ST8SIA5: variants seen among roughly 807,000 people sequenced by gnomAD.
ST8SIA5 encodes ST8 alpha-N-acetyl-neuraminide alpha-2,8-sialyltransferase 5.
A neutral mutation model predicts 40.2 loss-of-function variants in ST8SIA5; 24 were observed. The ratio of observed to expected loss-of-function variants is 0.60; its 90% CI spans 0.43 to 0.84. ST8SIA5 has a LOEUF of 0.84. Among genes scored for constraint, ST8SIA5 ranks in the 40% least tolerant of loss-of-function variants. The probability of loss-of-function intolerance (pLI) is 0.00; values close to 1 mark genes in which losing one functional copy is unlikely to be tolerated. For missense variants in ST8SIA5, 465 were observed against 498.5 expected (o/e 0.93, Z 0.64); for synonymous variants, 198 against 201.8 (o/e 0.98, Z 0.16).
chr18:46,733,257 A>G (rs2040001933), intron 1 of ST8SIA5, among the ~76,000 whole-genome samples: 1 of 152,212 alleles, frequency 6.6e-6, no homozygotes, highest in Non-Finnish European at 1.5e-5. Flanking sequence ...CATTTCTTTC[A>G]CACCAAGCCA....
intron 2 of ST8SIA5, among the ~76,000 whole-genome samples, chr18:46,700,340 G>A (rs2039599741): frequency 6.6e-6 from 1 of 152,184 alleles, no homozygotes; most frequent in Non-Finnish European, 1.5e-5. Flanking sequence ...CAGGCCCGAA[G>A]GGGCAAAGCA....
chr18:46,741,097 A>G (rs1006222134), intron 1 of ST8SIA5, among the ~76,000 whole-genome samples: 1 of 152,202 alleles, frequency 6.6e-6, no homozygotes, highest in African/African-American at 2.4e-5. Flanking sequence ...AATATCCAAG[A>G]GAAAATCAAC....
chr18:46,702,602 C>T (rs1019771503), intron 2 of ST8SIA5, among the ~76,000 whole-genome samples: 15 of 152,226 alleles, frequency 9.9e-5, no homozygotes, highest in African/African-American at 3.6e-4. Context: ...ACAGACTGTT[C>T]CCTCCACCTG....
intron 5 of ST8SIA5, among the ~76,000 whole-genome samples, chr18:46,682,635 T>C (rs1339326662): frequency 6.6e-6 from 1 of 152,240 alleles, no homozygotes; most frequent in East Asian, 1.9e-4. Flanking sequence ...CTGGAACCTG[T>C]GACTATGCAG....
chr18:46,748,999 C>G (rs1045368813), intron 1 of ST8SIA5, among the ~76,000 whole-genome samples: 1 of 152,120 alleles, frequency 6.6e-6, no homozygotes, highest in Non-Finnish European at 1.5e-5. Context: ...TGCAGTCTAT[C>G]CATACAATGA....
chr18:46,721,446 C>T (rs1354497251), intron 1 of ST8SIA5: 19 of 1,536,154 alleles, frequency 1.2e-5, no homozygotes, highest in Admixed American at 3.9e-5. Context: ...CTGGTCACCA[C>T]TCTGCCAACC....
At chr18:46,735,604 T>C (rs1365802111) in intron 1 of ST8SIA5, among the ~76,000 whole-genome samples, 1 of 152,172 alleles carries the variant, frequency 6.6e-6, no homozygotes, top group African/African-American at 2.4e-5. Context: ...GATATTGTAC[T>C]ATATTGTTTG....
intron 1 of ST8SIA5, among the ~76,000 whole-genome samples, chr18:46,727,130 T>C (rs1303945265): frequency 6.6e-6 from 1 of 152,246 alleles, no homozygotes; most frequent in East Asian, 1.9e-4. Flanking sequence ...TATTCAAGAC[T>C]GGATTCAGAT....
intron 1 of ST8SIA5, among the ~76,000 whole-genome samples, chr18:46,755,906 G>A (rs973663211): frequency 3.3e-5 from 5 of 152,128 alleles, no homozygotes; most frequent in Non-Finnish European, 7.3e-5. Context: ...GAAGCTCCTG[G>A]AGGGGAAAAT....
intron 1 of ST8SIA5, among the ~76,000 whole-genome samples, chr18:46,754,836 C>T (rs2040226564): frequency 6.6e-6 from 1 of 152,220 alleles, no homozygotes; most frequent in Admixed American, 6.5e-5. Context: ...GGGCAGGAAC[C>T]CAGAGCTGCC....
At chr18:46,704,735 T>G in intron 1 of ST8SIA5, 71 bp from the exon 2 acceptor site, 1 of 1,275,548 alleles carries the variant, frequency 7.8e-7, no homozygotes, top group Non-Finnish European at 1.1e-6. Context: ...GGGCTCTTGT[T>G]GCAGGGTGGA....
rs565300075 is a variant in ST8SIA5 at position 46,717,537 on chromosome 18, C to A, written c.132-12873G>T. Among the ~76,000 whole-genome samples, 3 of 152,044 alleles carry A rather than the reference C, an allele frequency of 2.0e-5. No homozygotes were observed. The South Asian group carries it at 6.2e-4, about 32-fold the overall frequency. Reference sequence around the variant, plus strand: ...TTTAGTAGAGACGGGGCTTCTCCACCCTCTCTACTTTTTATACCTCACCCC... The same window carrying A: ...TTTAGTAGAGACGGGGCTTCTCCACACTCTCTACTTTTTATACCTCACCCC... On this transcript the variant is annotated intron_variant, in intron 1 of 6. Coordinates refer to ENST00000315087, the MANE Select transcript of ST8SIA5 (RefSeq NM_013305.6).
intron 5 of ST8SIA5, among the ~76,000 whole-genome samples, chr18:46,683,641 A>G (rs1196862202): frequency 1.3e-5 from 2 of 152,134 alleles, no homozygotes; most frequent in African/African-American, 4.8e-5. Context: ...ACCCTATTCT[A>G]TAACAGGACC....
intron 1 of ST8SIA5, among the ~76,000 whole-genome samples, chr18:46,747,012 G>C (rs1383481842): frequency 2.0e-5 from 3 of 152,192 alleles, no homozygotes; most frequent in Non-Finnish European, 2.9e-5. Flanking sequence ...AAACTGGCTA[G>C]CCATATGTAG....
At chr18:46,717,736 G>A (rs79823708) in intron 1 of ST8SIA5, among the ~76,000 whole-genome samples, 377 of 152,272 alleles carry the variant, frequency 2.5e-3, no homozygotes, top group Non-Finnish European at 3.9e-3. Flanking sequence ...CAGGAGACAA[G>A]GTTGAATCCA....
Position 46,680,192 on chromosome 18 carries a change from G to A in ST8SIA5, c.981C>T (p.Asn327=). 1 of 1,614,234 alleles carries A rather than the reference G, an allele frequency of 6.2e-7. No individual in the cohort carries two copies. ...HLFGFWAFPM[N]PSGLYITHHY... Reference sequence around the variant, plus strand: ...GGTGAGTGATGTAGAGGCCCGAGGGGTTCATGGGGAAGGCCCAGAAGCCAA... The same window carrying A: ...GGTGAGTGATGTAGAGGCCCGAGGGATTCATGGGGAAGGCCCAGAAGCCAA... The change falls in exon 7 of 7, where the codon AAC becomes AAT. Residue 327 remains asparagine (N), a synonymous_variant. Coordinates refer to ENST00000315087, the MANE Select transcript of ST8SIA5 (RefSeq NM_013305.6).
At chr18:46,692,146 G>A (rs2039512185) in intron 3 of ST8SIA5, 23 bp downstream of exon 3, 2 of 1,612,680 alleles carry the variant, frequency 1.2e-6, no homozygotes, top group East Asian at 2.2e-5. Flanking sequence ...AAGGAGAAGG[G>A]AGGACAGACG....
Position 46,679,871 on chromosome 18 carries a change from G to T in ST8SIA5, c.*171C>A, listed in dbSNP as rs1250902363. 28 of 700,614 alleles carry T rather than the reference G, an allele frequency of 4.0e-5. No individual in the cohort carries two copies. In the East Asian group the frequency reaches 6.8e-4, roughly 17 times the overall value. The allele number at this position is 700,614 out of a possible 1,614,324, so 43.4% of individuals were successfully genotyped here. ...CTCAGCACAGAGCTGACTCTGCCCC[G>T]GTTCCTAACCCTGCCTCCCTACCCC... On this transcript the variant is annotated 3_prime_UTR_variant, in exon 7 of 7. Transcript: ENST00000315087.
chr18:46,710,407 C>CTTTG (rs1555695710), intron 1 of ST8SIA5, among the ~76,000 whole-genome samples: 10 of 116,338 alleles, frequency 8.6e-5, no homozygotes, highest in African/African-American at 2.7e-4. Flanking sequence ...TTCTTTCTTT[C>CTTTG]TTTCTTTCTT....
Sources: allele counts gnomAD v4.1 joint callset (sites outside exome capture counted in the v4.1 genomes callset), GRCh38; gene constraint gnomAD v4.1.1; transcripts MANE v1.5; gene names NCBI Gene and HGNC (gene_info 2026-07-23, HGNC 2026-07-21).